CFAP61: variants seen among roughly 807,000 people sequenced by gnomAD.
The protein encoded by CFAP61 is cilia and flagella associated protein 61.
CFAP61 carries 107 observed loss-of-function variants against 135.6 expected under a neutral mutation model. The ratio of observed to expected loss-of-function variants is 0.79; its 90% CI spans 0.67 to 0.93. CFAP61 has a LOEUF of 0.93. Ranked by LOEUF, CFAP61 falls within the 40% of genes least tolerant of loss-of-function variation. CFAP61 has a pLI of 0.00. For synonymous variants in CFAP61, 575 were observed against 578.5 expected (o/e 0.99, Z 0.09); for missense variants, 1,507 against 1,556.2 (o/e 0.97, Z 0.53).
intron 6 of CFAP61, among the ~76,000 whole-genome samples, chr20:20,087,491 A>T (rs529440780): frequency 1.2e-3 from 188 of 152,328 alleles, no homozygotes; most frequent in African/African-American, 4.3e-3. Context: ...GGCTGCATGT[A>T]AAAGTTTTAA....
intron 17 of CFAP61, among the ~76,000 whole-genome samples, chr20:20,212,357 G>A (rs540160613): frequency 1.3e-5 from 2 of 152,202 alleles, no homozygotes; most frequent in Admixed American, 6.5e-5. Context: ...TACACACAGA[G>A]TACACACAAT....
Position 20,309,831 on chromosome 20 carries a change from T to A in CFAP61, c.3422+11445T>A, listed in dbSNP as rs565732269. ...ATTAGAACTTCTGTTTATAATTTTA[T>A]CTTTAAAAAAAAAACAGAAATCATG... On this transcript the variant is annotated intron_variant, in intron 25 of 26. Coordinates refer to ENST00000245957, the MANE Select transcript of CFAP61 (RefSeq NM_015585.4). Among the ~76,000 whole-genome samples, 6 of 81,334 alleles carry A rather than the reference T, an allele frequency of 7.4e-5. No individual in the cohort carries two copies. In the East Asian group the frequency reaches 1.7e-3, roughly 23 times the overall value. 53.4% of individuals were successfully genotyped at this position (81,334 alleles called of 152,430 possible).
At position 20,345,567 on chromosome 20, in the gene CFAP61, C is replaced by A. The variant is rs527738106; in HGVS notation, c.3513+3646C>A. 1.8e-4 allele frequency among the ~76,000 whole-genome samples: 28 copies of A among 152,228 alleles called. No individual in the cohort carries two copies. In the South Asian group the frequency reaches 5.4e-3, roughly 29 times the overall value. On this transcript the variant is annotated intron_variant, in intron 26 of 26. Transcript: ENST00000245957. ...CACATGTAAAGAAAGGAAGAAAAGACCATTATCTATCTATTATCTATGAAT... is the reference window on the plus strand; with the variant it reads ...CACATGTAAAGAAAGGAAGAAAAGAACATTATCTATCTATTATCTATGAAT...
chr20:20,333,373 A>G (rs1176390378), intron 25 of CFAP61, among the ~76,000 whole-genome samples: 3 of 152,214 alleles, frequency 2.0e-5, no homozygotes, highest in Non-Finnish European at 4.4e-5. Context: ...AACGCTAACT[A>G]GCTCCAGATT....
chr20:20,316,169 G>A (rs1222992194), intron 25 of CFAP61, among the ~76,000 whole-genome samples: 1 of 152,024 alleles, frequency 6.6e-6, no homozygotes, highest in African/African-American at 2.4e-5. Flanking sequence ...TCCTACCCAT[G>A]AGCATGGAAT....
chr20:20,233,286 G>A (rs2049301182), intron 18 of CFAP61, among the ~76,000 whole-genome samples: 1 of 152,142 alleles, frequency 6.6e-6, no homozygotes. Context: ...TAAATAGTCA[G>A]TGCTTCCTTG....
chr20:20,275,577 A>C (rs911654662), intron 21 of CFAP61, among the ~76,000 whole-genome samples: 12 of 152,186 alleles, frequency 7.9e-5, no homozygotes, highest in Admixed American at 7.9e-4. Flanking sequence ...CCAGTTTTCC[A>C]TGAGCCTGTG....
chr20:20,198,859 A>C (rs1255137734), intron 16 of CFAP61, among the ~76,000 whole-genome samples: 1 of 152,218 alleles, frequency 6.6e-6, no homozygotes, highest in Non-Finnish European at 1.5e-5. Context: ...CTATTTATTA[A>C]AATGCATCTA....
chr20:20,061,988 G>A (rs1010267868), intron 2 of CFAP61, among the ~76,000 whole-genome samples: 1 of 152,154 alleles, frequency 6.6e-6, no homozygotes, highest in Admixed American at 6.5e-5. Flanking sequence ...ACCCTAGTTC[G>A]AGCCTTTGCT....
chr20:20,209,404 G>GT (rs1252114549), intron 17 of CFAP61, among the ~76,000 whole-genome samples: 4 of 152,160 alleles, frequency 2.6e-5, no homozygotes. Flanking sequence ...AAAGCATAAA[G>GT]TTTTAGAATT....
intron 18 of CFAP61, among the ~76,000 whole-genome samples, chr20:20,242,402 A>G (rs2050079481): frequency 6.6e-6 from 1 of 152,214 alleles, no homozygotes; most frequent in African/African-American, 2.4e-5. Context: ...TGATGGGCAA[A>G]CACGGAGTGA....
At chr20:20,188,920 G>A (rs752345520) in intron 14 of CFAP61, among the ~76,000 whole-genome samples, 3 of 152,118 alleles carry the variant, frequency 2.0e-5, no homozygotes, top group Admixed American at 1.3e-4. Context: ...ATCAGAGATT[G>A]GCTATGCCTG....
At chr20:20,179,812 C>G (rs1569076884) in intron 13 of CFAP61, among the ~76,000 whole-genome samples, 1 of 152,164 alleles carries the variant, frequency 6.6e-6, no homozygotes, top group Non-Finnish European at 1.5e-5. Context: ...GCTGGGATAA[C>G]TGGGTAGCCA....
At chr20:20,129,971 G>A (rs144277938) in intron 8 of CFAP61, among the ~76,000 whole-genome samples, 3 of 151,722 alleles carry the variant, frequency 2.0e-5, no homozygotes, top group African/African-American at 7.3e-5. Flanking sequence ...ATAAATTTAT[G>A]AATTGCTCTT....
intron 9 of CFAP61, among the ~76,000 whole-genome samples, chr20:20,154,897 C>A (rs749702067): frequency 6.6e-6 from 1 of 152,114 alleles, no homozygotes; most frequent in Non-Finnish European, 1.5e-5. Flanking sequence ...ATACCATCAT[C>A]ATTCTTCACA....
chr20:20,283,289 T>C (rs148129483), intron 22 of CFAP61, among the ~76,000 whole-genome samples: 153 of 152,362 alleles, frequency 1.0e-3, no homozygotes, highest in African/African-American at 3.6e-3. Context: ...TTTATCATTA[T>C]GAAATGTTCC....
At chr20:20,114,755 C>T (rs1292637423) in intron 8 of CFAP61, among the ~76,000 whole-genome samples, 2 of 151,954 alleles carry the variant, frequency 1.3e-5, no homozygotes, top group Non-Finnish European at 2.9e-5. Flanking sequence ...TGTTTATCTA[C>T]TGGCTAATAC....
chr20:20,143,298 T>C (rs2051570887), intron 9 of CFAP61, among the ~76,000 whole-genome samples: 1 of 152,144 alleles, frequency 6.6e-6, no homozygotes, highest in South Asian at 2.1e-4. Flanking sequence ...ACTATCTGCA[T>C]ACTCCAATGG....
chr20:20,212,553 T>C (rs1194788317), intron 17 of CFAP61, among the ~76,000 whole-genome samples: 1 of 152,124 alleles, frequency 6.6e-6, no homozygotes, highest in Non-Finnish European at 1.5e-5. Context: ...TGAGCCTGTT[T>C]CTCTACCCCC....
Sources: allele counts gnomAD v4.1 joint callset (sites outside exome capture counted in the v4.1 genomes callset), GRCh38; gene constraint gnomAD v4.1.1; transcripts MANE v1.5; gene names NCBI Gene and HGNC (gene_info 2026-07-23, HGNC 2026-07-21).